Variants in ITGB6 observed in about 807,000 individuals in gnomAD.
The protein encoded by ITGB6 is integrin subunit beta 6, also known as integrin beta-6.
Under a neutral mutation model 84.5 loss-of-function variants are expected in ITGB6, and 80 were observed. The ratio of observed to expected loss-of-function variants is 0.95; its 90% CI spans 0.79 to 1.14. The LOEUF (loss-of-function observed/expected upper bound fraction) is 1.14, where lower values mean the gene tolerates loss of function less well. Ranked by LOEUF, ITGB6 falls within the 50% of genes most tolerant of loss-of-function variation. The pLI is 0.00. For missense variants in ITGB6, 1,006 were observed against 968.0 expected (o/e 1.04, Z -0.52); for synonymous variants, 383 against 354.9 (o/e 1.08, Z -0.89).
intron 6 of ITGB6, among the ~76,000 whole-genome samples, chr2:160,170,536 G>T (rs527570785): frequency 7.9e-5 from 12 of 152,284 alleles, no homozygotes; most frequent in African/African-American, 2.6e-4. Flanking sequence ...TGTGTGTGTA[G>T]CCAGGATCAC....
chr2:160,109,333 G>A (rs537232403), intron 13 of ITGB6, among the ~76,000 whole-genome samples: 23 of 152,190 alleles, frequency 1.5e-4, no homozygotes, highest in Non-Finnish European at 3.2e-4. Context: ...TCTAATAGGT[G>A]AGCACATTCC....
At chr2:160,176,952 C>G (rs1388164031) in intron 4 of ITGB6, among the ~76,000 whole-genome samples, 1 of 152,144 alleles carries the variant, frequency 6.6e-6, no homozygotes, top group East Asian at 1.9e-4. Context: ...TACATATGTA[C>G]AAACTATTCC....
In ITGB6 at chr2:160,126,508, G is replaced by A. The variant is rs756187131; in HGVS notation, c.1754C>T (p.Ser585Phe). 1.2e-6 allele frequency: 2 copies of A among 1,614,064 alleles called. No individual in the cohort carries two copies. Among genetic ancestry groups the A allele is most frequent in the Middle Eastern group, 1.6e-4 (1 of 6,082 alleles). The change falls in exon 11 of 15, where the codon TCT (serine) becomes TTT (phenylalanine). Residue 585 changes from serine to phenylalanine, a missense_variant. Physicochemically the swap from Ser to Phe is radical, Grantham distance 155 (BLOSUM62 -2). Coordinates refer to ENST00000283249, the MANE Select transcript of ITGB6 (RefSeq NM_000888.5). ...NCTTSTDSCV[S>F]EDGVLCSGRG... ...CCCGCTGCAGAGCACTCCATCTTCA[G>A]AGACGCAGGAGTCCGTGCTGGTGGT...
chr2:160,199,387 T>C, intron 1 of ITGB6, 129 bp from the exon 2 acceptor site: 1 of 638,294 alleles, frequency 1.6e-6, no homozygotes. Flanking sequence ...AAATCAGTCC[T>C]CGAAATGTTA....
chr2:160,151,096 T>G (rs916961989), intron 7 of ITGB6, among the ~76,000 whole-genome samples: 1 of 152,192 alleles, frequency 6.6e-6, no homozygotes, highest in African/African-American at 2.4e-5. Flanking sequence ...CAAGCAGACC[T>G]AATAGATGTC....
intron 10 of ITGB6, among the ~76,000 whole-genome samples, chr2:160,135,378 AAACCACTGCTC>A (rs1362583006): frequency 2.0e-5 from 3 of 150,926 alleles, no homozygotes; most frequent in African/African-American, 7.3e-5. Context: ...GGAGAACTAC[AAACCACTGCTC>A]AATGAAATAA....
intron 12 of ITGB6, among the ~76,000 whole-genome samples, chr2:160,116,938 G>A (rs1021549612): frequency 6.6e-6 from 1 of 151,612 alleles, no homozygotes; most frequent in African/African-American, 2.4e-5. Flanking sequence ...TAATGGTAAA[G>A]GGATCAATTC....
At chr2:160,109,121 A>G (rs1397876877) in intron 13 of ITGB6, among the ~76,000 whole-genome samples, 1 of 152,196 alleles carries the variant, frequency 6.6e-6, no homozygotes, top group Non-Finnish European at 1.5e-5. Flanking sequence ...TCTTTAAGGT[A>G]AGGATCTGGA....
At chr2:160,190,063 A>G (rs113063676) in intron 4 of ITGB6, among the ~76,000 whole-genome samples, 42 of 152,306 alleles carry the variant, frequency 2.8e-4, no homozygotes, top group African/African-American at 9.6e-4. Context: ...AGGAACATGA[A>G]TGAAGCTGGA....
chr2:160,132,308 A>G (rs981180855), intron 10 of ITGB6, among the ~76,000 whole-genome samples: 1 of 152,166 alleles, frequency 6.6e-6, no homozygotes, highest in Admixed American at 6.5e-5. Flanking sequence ...AGAACAGACC[A>G]TAAATTTTTC....
chr2:160,150,217 T>C (rs1253430323), intron 7 of ITGB6, among the ~76,000 whole-genome samples: 1 of 152,086 alleles, frequency 6.6e-6, no homozygotes, highest in Non-Finnish European at 1.5e-5. Context: ...GAAAGGTCAG[T>C]TTACCCACAA....
At chr2:160,147,168 T>TGAAA (rs1237912935) in intron 7 of ITGB6, among the ~76,000 whole-genome samples, 2 of 140,640 alleles carry the variant, frequency 1.4e-5, no homozygotes, top group Admixed American at 7.0e-5. Context: ...AAGAAAGAAA[T>TGAAA]GAAAGAAAGA....
intron 7 of ITGB6, among the ~76,000 whole-genome samples, chr2:160,152,563 C>T (rs1381342414): frequency 2.0e-5 from 3 of 152,214 alleles, no homozygotes; most frequent in African/African-American, 7.2e-5. Flanking sequence ...TCTCTCACCA[C>T]TCCTGTTCAA....
chr2:160,139,168 G>C (rs1683891140), intron 8 of ITGB6, among the ~76,000 whole-genome samples: 1 of 152,020 alleles, frequency 6.6e-6, no homozygotes, highest in South Asian at 2.1e-4. Flanking sequence ...TGTATTGTAG[G>C]TGAACCAAAC....
chr2:160,137,018 T>C (rs1683761183), intron 10 of ITGB6, among the ~76,000 whole-genome samples: 2 of 150,904 alleles, frequency 1.3e-5, no homozygotes, highest in Admixed American at 6.6e-5. Context: ...AACCTGCACA[T>C]TGTGCACATG....
At chr2:160,190,477 C>A (rs898982947) in intron 4 of ITGB6, among the ~76,000 whole-genome samples, 8 of 152,166 alleles carry the variant, frequency 5.3e-5, no homozygotes, top group Non-Finnish European at 8.8e-5. Context: ...TGAATCAAGA[C>A]TGAATCCAGG....
chr2:160,109,239 T>G (rs148609136), intron 13 of ITGB6, among the ~76,000 whole-genome samples: 1 of 152,300 alleles, frequency 6.6e-6, no homozygotes, highest in African/African-American at 2.4e-5. Context: ...TATGCAGAAA[T>G]AAGTAAAGGA....
intron 4 of ITGB6, among the ~76,000 whole-genome samples, chr2:160,193,810 G>T (rs1686231528): frequency 6.6e-6 from 1 of 152,170 alleles, no homozygotes; most frequent in African/African-American, 2.4e-5. Flanking sequence ...CATGTTTATG[G>T]ATCTGCCATA....
intron 8 of ITGB6, among the ~76,000 whole-genome samples, chr2:160,141,276 G>A (rs1370987890): frequency 6.6e-6 from 1 of 151,938 alleles, no homozygotes; most frequent in Non-Finnish European, 1.5e-5. Flanking sequence ...AAAAGGGGGG[G>A]TGATATTTAG....
Sources: gnomAD v4.1 joint callset for allele counts (sites outside exome capture counted in the v4.1 genomes callset) on GRCh38, gnomAD v4.1.1 for gene constraint, MANE v1.5 for transcripts, NCBI Gene and HGNC (gene_info 2026-07-23, HGNC 2026-07-21) for gene names.